Variants in HERC1 observed in about 807,000 individuals in gnomAD.
The protein encoded by HERC1 is HECT and RLD domain containing E3 ubiquitin protein ligase family member 1.
HERC1 carries 160 observed loss-of-function variants against 554.3 expected under a neutral mutation model. The observed-to-expected ratio is 0.29, with a 90% CI of 0.25 to 0.33. The LOEUF (loss-of-function observed/expected upper bound fraction) is 0.33, where lower values mean the gene tolerates loss of function less well. HERC1 is among the 10% of genes least tolerant of loss of function. The pLI is 1.00. For synonymous variants in HERC1, 2,175 were observed against 2,131.7 expected, an observed-to-expected ratio of 1.02 and a Z score of -0.56; for missense variants, 4,919 against 5,918.5, an observed-to-expected ratio of 0.83 and a Z score of 5.54.
intron 1 of HERC1, 80 bp downstream of exon 1, chr15:63,833,747 G>GCACACACA (rs1279912396): frequency 3.4e-5 from 4 of 117,804 alleles, no homozygotes; most frequent in African/African-American, 1.6e-4. Flanking sequence ...GCACACACGC[G>GCACACACA]CGCGCGCACA....
chr15:63,775,169 G>A lies in HERC1; in HGVS notation c.455C>T (p.Ser152Leu). The A allele has an allele frequency of 6.2e-7, 1 of 1,613,970 alleles. No individual in the cohort carries two copies. Residue 152 changes from serine to leucine, a missense_variant, in exon 2 of 78, where the codon TCA becomes TTA. Physicochemically the swap from Ser to Leu is moderately radical, Grantham distance 145. This residue lies in a region of HERC1 where 744 missense variants were observed against 1,090.0 expected (regional missense o/e 0.68). Transcript: ENST00000443617. The surrounding 1 kb of genome is among the most constrained non-coding windows in gnomAD (Gnocchi z 4.0). ...CATTTCTATAAGTGCATCAGTGCTT[G>A]ACCGGGGGCGTTCACTAACAGAATG... Reference protein sequence around the residue: ...DVHSVSERPRSSTDALIEMGV... With the variant: ...DVHSVSERPRLSTDALIEMGV...
intron 1 of HERC1, among the ~76,000 whole-genome samples, chr15:63,818,950 G>C (rs1009977914): frequency 6.6e-6 from 1 of 152,154 alleles, no homozygotes; most frequent in Non-Finnish European, 1.5e-5. Context: ...TAGAATTATA[G>C]TTTTAATCTA....
Position 63,616,648 on chromosome 15 carries a change from G to C in HERC1, c.13723C>G (p.His4575Asp). 1 of 1,613,366 alleles carries C rather than the reference G, an allele frequency of 6.2e-7. No individual in the cohort carries two copies. The highest frequency in any genetic ancestry group is 1.3e-5 in the African/African-American group (1 of 75,014). ...LFNPSACLDE[H>D]LMQFKFLGIL... ...CCTAAAAACTTAAACTGCATTAAGT[G>C]TTCATCGAGGCAGGCAGAAGGGTTA... Residue 4575 changes from histidine (H) to aspartate (D), a missense_variant, in exon 75 of 78, where the codon CAC becomes GAC. His to Asp is a moderately conservative substitution (Grantham distance 81). Transcript: ENST00000443617.
At chr15:63,699,659 T>C (rs920982237) in intron 25 of HERC1, among the ~76,000 whole-genome samples, 4 of 152,184 alleles carry the variant, frequency 2.6e-5, no homozygotes, top group African/African-American at 9.7e-5. Context: ...GAATATGAGA[T>C]TTACTGTAAA....
intron 3 of HERC1, among the ~76,000 whole-genome samples, 162 bp downstream of exon 3, chr15:63,763,934 C>A (rs2075690422): frequency 6.7e-6 from 1 of 149,432 alleles, no homozygotes; most frequent in South Asian, 2.1e-4. Context: ...CTACTCACCC[C>A]ACCCCCACCC....
At chr15:63,652,385 A>C in intron 52 of HERC1, 29 bp downstream of exon 52, 1 of 1,579,856 alleles carries the variant, frequency 6.3e-7, no homozygotes, top group Non-Finnish European at 8.6e-7. Context: ...TCTTATTTTA[A>C]ATGGTATACA....
intron 31 of HERC1, among the ~76,000 whole-genome samples, chr15:63,691,593 A>G (rs1386810402): frequency 1.3e-5 from 2 of 152,076 alleles, no homozygotes; most frequent in Non-Finnish European, 2.9e-5. Context: ...TGAATATCTG[A>G]TTTTTCTTTA....
chr15:63,767,511 C>A (rs892575916), intron 2 of HERC1, among the ~76,000 whole-genome samples: 1 of 151,938 alleles, frequency 6.6e-6, no homozygotes, highest in African/African-American at 2.4e-5. Flanking sequence ...ACCAGCCTGA[C>A]CATGCTGAAA....
chr15:63,694,866 A>G lies in HERC1; in HGVS notation c.5150T>C (p.Ile1717Thr). 5.0e-6 allele frequency: 8 copies of G among 1,613,796 alleles called. No homozygotes were observed. Among genetic ancestry groups the G allele is most frequent in the East Asian group, 2.2e-5 (1 of 44,866 alleles). Residue 1717 changes from isoleucine to threonine, a missense_variant, in exon 28 of 78, where the codon ATT becomes ACT. Coordinates refer to ENST00000443617, the MANE Select transcript of HERC1 (RefSeq NM_003922.4). This position sits in a 1 kb window ranked among gnomAD's most constrained non-coding sequence, Gnocchi z 4.3. The part of the protein sequence containing the change: ...QDGIRAAKRN[I>T]QIEIQVAVHK... ...CACAGCTACCTGGATTTCAATCTGA[A>G]TATTTCTCTTAGCTGCTCTGATCCC...
At chr15:63,809,518 TG>T (rs144596922) in intron 1 of HERC1, among the ~76,000 whole-genome samples, 2,588 of 152,244 alleles carry the variant, frequency 0.017, 71 homozygotes, top group African/African-American at 0.06. Flanking sequence ...TCAGGAGCTG[TG>T]GATAACACTA....
intron 8 of HERC1, among the ~76,000 whole-genome samples, chr15:63,751,039 G>C (rs2075224501): frequency 6.6e-6 from 1 of 152,148 alleles, no homozygotes; most frequent in South Asian, 2.1e-4. Context: ...TATTTTAGGA[G>C]ATGTTAGGAA....
intron 34 of HERC1, 54 bp downstream of exon 34, chr15:63,686,305 G>A: frequency 7.6e-7 from 1 of 1,322,398 alleles, no homozygotes; most frequent in Non-Finnish European, 1.0e-6. Context: ...TAAGAACCTG[G>A]AAAAAAAAGG....
chr15:63,662,143 T>C (rs2070389710), intron 44 of HERC1, 122 bp from the exon 45 acceptor site: 1 of 1,063,730 alleles, frequency 9.4e-7, no homozygotes, highest in Admixed American at 2.9e-5. Context: ...AACATGTTCA[T>C]TAATGCTAAA....
At chr15:63,676,495 G>A (rs532904839) in intron 37 of HERC1, among the ~76,000 whole-genome samples, 1 of 152,228 alleles carries the variant, frequency 6.6e-6, no homozygotes, top group South Asian at 2.1e-4. Context: ...GGTGGCTCAT[G>A]TCTGTAATCT....
In HERC1 at chr15:63,698,084, G is replaced by A. The variant is rs902540100; in HGVS notation, c.4905+644C>T. ...TATTTCTGTGAGGTTCTAACCTGAA[G>A]CAGGTGTCTAATTTAAACTGAGACA... is the stretch of plus-strand genomic sequence containing the variant. On this transcript the variant is annotated intron_variant, in intron 26 of 77. Coordinates refer to ENST00000443617, the MANE Select transcript of HERC1 (RefSeq NM_003922.4). 4.6e-5 allele frequency among the ~76,000 whole-genome samples: 7 copies of A among 152,256 alleles called. No homozygotes were observed. The South Asian group carries it at 6.2e-4, about 14-fold the overall frequency.
chr15:63,815,213 TCCAAAAAGA>T (rs2077455157), intron 1 of HERC1, among the ~76,000 whole-genome samples: 1 of 152,154 alleles, frequency 6.6e-6, no homozygotes, highest in Non-Finnish European at 1.5e-5. Flanking sequence ...GTCCGTTCCC[TCCAAAAAGA>T]CTTTAAATCC....
At chr15:63,759,347 T>C (rs2075533439) in intron 3 of HERC1, among the ~76,000 whole-genome samples, 1 of 152,240 alleles carries the variant, frequency 6.6e-6, no homozygotes. Context: ...ATTTACCATT[T>C]CTGTAGAATA....
At chr15:63,790,345 G>A (rs574697669) in intron 1 of HERC1, among the ~76,000 whole-genome samples, 1 of 152,238 alleles carries the variant, frequency 6.6e-6, no homozygotes, top group East Asian at 1.9e-4. Flanking sequence ...TTAGGAGGCC[G>A]AGGCGGGCGG....
At chr15:63,805,806 A>G (rs1175155157) in intron 1 of HERC1, among the ~76,000 whole-genome samples, 1 of 151,874 alleles carries the variant, frequency 6.6e-6, no homozygotes, top group Non-Finnish European at 1.5e-5. Context: ...AGCCATGTAT[A>G]GTGGTACGCT....
Sources: allele counts gnomAD v4.1 joint callset (sites outside exome capture counted in the v4.1 genomes callset), GRCh38; gene constraint gnomAD v4.1.1; regional missense constraint gnomAD v4.1.1; non-coding constraint Gnocchi (gnomAD v3.1); transcripts MANE v1.5; gene names NCBI Gene and HGNC (gene_info 2026-07-23, HGNC 2026-07-21).